Variants in RBM6 observed in about 807,000 individuals in gnomAD.
RBM6 encodes RNA binding motif protein 6.
In RBM6, 23 loss-of-function variants were observed where a neutral mutation model predicts 140.4. The ratio of observed to expected loss-of-function variants is 0.16; its 90% CI spans 0.12 to 0.23. The LOEUF is 0.23. RBM6 is among the 10% of genes least tolerant of loss of function. RBM6 has a pLI of 1.00. For missense variants in RBM6, 1,139 were observed against 1,386.7 expected, an observed-to-expected ratio of 0.82 and a Z score of 2.84; for synonymous variants, 439 against 475.6, an observed-to-expected ratio of 0.92 and a Z score of 1.00.
Position 49,999,463 on chromosome 3 carries a change from G to A in RBM6, c.1507G>A (p.Val503Met). Residue 503 changes from valine (V) to methionine (M), a missense_variant, in exon 6 of 21, where the codon GTG (valine) becomes ATG (methionine). Transcript: ENST00000266022. Reference protein sequence around the residue: ...NTGYDYGYVCVEFSLLEDAIG... With the variant: ...NTGYDYGYVCMEFSLLEDAIG... ...AGGTTACGACTATGGCTATGTCTGC[G>A]TGGAGTTTTCACTCTTGGAAGATGC... 1.2e-6 allele frequency: 2 copies of A among 1,613,984 alleles called. No individual in the cohort carries two copies. Among genetic ancestry groups the A allele is most frequent in the Non-Finnish European group, 1.7e-6 (2 of 1,179,940 alleles).
chr3:49,947,272 G>C lies in RBM6; in HGVS notation c.-67+7047G>C, dbSNP rs868844877. ...GTCTCAAAAAAAAAAAGGGGGGGGG[G>C]GGGGGTTTTGAGCTGGGTGTGCAGG... On this transcript the variant is annotated intron_variant, in intron 1 of 20. Transcript: ENST00000266022. 2.5e-5 allele frequency among the ~76,000 whole-genome samples: 3 copies of C among 120,898 alleles called. 1 individual carries two copies. Among genetic ancestry groups the C allele is most frequent in the Admixed American group, 1.8e-4 (2 of 11,202 alleles). 79.3% of individuals were successfully genotyped at this position (120,898 alleles called of 152,430 possible).
At chr3:50,058,160 C>G (rs771926994) in intron 9 of RBM6, among the ~76,000 whole-genome samples, 157 bp downstream of exon 9, 3 of 152,188 alleles carry the variant, frequency 2.0e-5, no homozygotes, top group Non-Finnish European at 4.4e-5. Flanking sequence ...CCTTCCTGTA[C>G]TGCTTAAAGG....
At chr3:50,070,612 C>T in intron 19 of RBM6, 60 bp downstream of exon 19, 3 of 1,183,152 alleles carry the variant, frequency 2.5e-6, no homozygotes, top group Non-Finnish European at 3.8e-6. Flanking sequence ...ACCACCTCCT[C>T]CTTCAACTGT....
chr3:50,009,757 A>T (rs962593370), intron 6 of RBM6, among the ~76,000 whole-genome samples: 2 of 151,728 alleles, frequency 1.3e-5, no homozygotes, highest in African/African-American at 4.8e-5. Context: ...TACAGATGAG[A>T]TCTCACTGTG....
At position 50,059,690 on chromosome 3, in the gene RBM6, G is replaced by A. The variant is rs200018511; in HGVS notation, c.2172G>A (p.Pro724=). The A allele has an allele frequency of 1.3e-5, 21 of 1,613,494 alleles. No homozygotes were observed. The highest frequency in any genetic ancestry group is 4.5e-5 in the East Asian group (2 of 44,830). ...TGAAGATCTTACAGAACCTTGATCC[G>A]CCATTTAGCATTGATGGGAAGATGG... ...RVVKILQNLD[P]PFSIDGKMVA... Residue 724 remains proline (P), a synonymous_variant, in exon 11 of 21, where the codon CCG becomes CCA. Coordinates refer to ENST00000266022, the MANE Select transcript of RBM6 (RefSeq NM_005777.3).
chr3:50,056,021 A>G (rs936932387), intron 8 of RBM6, among the ~76,000 whole-genome samples: 2 of 152,194 alleles, frequency 1.3e-5, no homozygotes, highest in Non-Finnish European at 2.9e-5. Flanking sequence ...GCAAGGTTAG[A>G]GTTTAATGTG....
chr3:49,986,291 G>A (rs545093994), intron 5 of RBM6, among the ~76,000 whole-genome samples: 1 of 150,244 alleles, frequency 6.7e-6, no homozygotes, highest in East Asian at 2.1e-4. Context: ...ATTGCGCCCA[G>A]CCCATTTTAA....
chr3:50,040,485 TATATATATACACAC>T (rs1274765558), intron 6 of RBM6, among the ~76,000 whole-genome samples: 9 of 119,876 alleles, frequency 7.5e-5, no homozygotes, highest in South Asian at 2.4e-4. Flanking sequence ...TATATATATA[TATATATATACACAC>T]ACACACACAC....
chr3:49,988,822 T>C (rs754765053), intron 5 of RBM6, among the ~76,000 whole-genome samples: 8 of 151,836 alleles, frequency 5.3e-5, no homozygotes, highest in Non-Finnish European at 1.0e-4. Flanking sequence ...ATAAGCTGGG[T>C]GTGGTGGCAC....
intron 1 of RBM6, among the ~76,000 whole-genome samples, chr3:49,956,705 G>A (rs1194164603): frequency 6.6e-6 from 1 of 150,894 alleles, no homozygotes; most frequent in Non-Finnish European, 1.5e-5. Flanking sequence ...CGTTCTTGTT[G>A]CCCAGGCTGG....
At position 50,061,155 on chromosome 3, in the gene RBM6, C is replaced by G. The variant is rs1397304010; in HGVS notation, c.2287C>G (p.Arg763Gly). 2 of 1,613,896 alleles carry G rather than the reference C, an allele frequency of 1.2e-6. No individual in the cohort carries two copies. Among genetic ancestry groups the G allele is most frequent in the African/African-American group, 2.7e-5 (2 of 74,862 alleles). ...TCTGTGATAGGGTAAAAAATATTTC[C>G]GAGATAGGAGGGGAGGTGGCAGAAA... is the stretch of plus-strand genomic sequence containing the variant. ...MHYYQGKKYF[R>G]DRRGGGRNSD... The change falls in exon 13 of 21, where the codon CGA becomes GGA. Residue 763 changes from arginine (R) to glycine (G), a missense_variant. By Grantham distance (125) the Arg-to-Gly change is moderately radical (BLOSUM62 -2). Around this residue, in one of 9 missense-constraint regions of RBM6, gnomAD observed 163 missense variants for 182.8 expected, o/e 0.89. Transcript: ENST00000266022.
intron 6 of RBM6, among the ~76,000 whole-genome samples, chr3:50,042,333 A>C (rs2088969020): frequency 6.6e-6 from 1 of 152,242 alleles, no homozygotes; most frequent in Admixed American, 6.5e-5. Flanking sequence ...TTCTCAGTAC[A>C]AAGTATAACT....
At chr3:50,012,628 A>G (rs1374549720) in intron 6 of RBM6, among the ~76,000 whole-genome samples, 1 of 151,916 alleles carries the variant, frequency 6.6e-6, no homozygotes, top group African/African-American at 2.4e-5. Flanking sequence ...AAGTGCTGAG[A>G]TTACAGGCGT....
intron 6 of RBM6, among the ~76,000 whole-genome samples, chr3:50,039,479 T>TCC (rs1473655484): frequency 4.6e-4 from 6 of 13,170 alleles, no homozygotes; most frequent in Non-Finnish European, 9.2e-4. Context: ...CCTCAGGTGA[T>TCC]CCACCCCCCC....
At chr3:50,034,263 C>T (rs970111332) in intron 6 of RBM6, among the ~76,000 whole-genome samples, 5 of 151,800 alleles carry the variant, frequency 3.3e-5, no homozygotes, top group Admixed American at 2.0e-4. Context: ...GGATTACAAG[C>T]GTGAGCCATC....
At position 49,948,727 on chromosome 3, in the gene RBM6, A is replaced by G. The variant is rs1326128334; in HGVS notation, c.-67+8502A>G. Among the ~76,000 whole-genome samples, 20 of 150,914 alleles carry G rather than the reference A, an allele frequency of 1.3e-4. No individual in the cohort carries two copies. The East Asian group carries it at 2.4e-3, about 18-fold the overall frequency. ...CTCTGTCTCAAAAAAGAAAAAAAAA[A>G]AAAAGAATTGCTTGAACCCAGGAGG... is the stretch of plus-strand genomic sequence containing the variant. On this transcript the variant is annotated intron_variant, in intron 1 of 20. Coordinates refer to ENST00000266022, the MANE Select transcript of RBM6 (RefSeq NM_005777.3).
chr3:49,980,389 C>T (rs1037369237), intron 5 of RBM6, among the ~76,000 whole-genome samples: 13 of 151,866 alleles, frequency 8.6e-5, no homozygotes, highest in Non-Finnish European at 1.8e-4. Flanking sequence ...CTCATGGTTT[C>T]GAAAATAATA....
In RBM6 at chr3:50,073,731, C is replaced by T. The variant is rs114359958; in HGVS notation, c.3117-1470C>T. Among the ~76,000 whole-genome samples, 968 of 152,204 alleles carry T rather than the reference C, an allele frequency of 6.4e-3. 8 individuals carry two copies. The highest frequency in any genetic ancestry group is 0.021 in the African/African-American group (860 of 41,532). ...TCTTATAACTTGTCTTTTTACAAAC[C>T]GTATACCTTGCCTACAGGGAGGCCT... On this transcript the variant is annotated intron_variant, in intron 19 of 20. Transcript: ENST00000266022.
chr3:49,994,710 T>C (rs1285346409), intron 5 of RBM6, among the ~76,000 whole-genome samples: 1 of 135,882 alleles, frequency 7.4e-6, no homozygotes, highest in Non-Finnish European at 1.6e-5. Context: ...CTCTCAAAGA[T>C]AGCAGTAAAA....
Sources: gnomAD v4.1 joint callset for allele counts (sites outside exome capture counted in the v4.1 genomes callset) on GRCh38, gnomAD v4.1.1 for gene constraint, gnomAD v4.1.1 regional missense constraint, MANE v1.5 for transcripts, NCBI Gene and HGNC (gene_info 2026-07-23, HGNC 2026-07-21) for gene names.